The following USH2A variants were observed in gnomAD, a reference collection of about 807,000 sequenced individuals.
USH2A encodes the protein Usher syndrome 2A (autosomal recessive, mild).
Under a neutral mutation model 538.9 loss-of-function variants are expected in USH2A, and 443 were observed. The observed-to-expected ratio is 0.82, with a 90% CI of 0.76 to 0.89. The LOEUF is 0.89. Ranked by LOEUF, USH2A falls within the 40% of genes least tolerant of loss-of-function variation. USH2A has a pLI of 0.00. For synonymous variants in USH2A, 2,413 were observed against 2,273.5 expected (o/e 1.06, Z -1.75); for missense variants, 6,633 against 6,324.8 (o/e 1.05, Z -1.65).
At chr1:216,399,458 A>G (rs1289939552) in intron 3 of USH2A, among the ~76,000 whole-genome samples, 1 of 152,006 alleles carries the variant, frequency 6.6e-6, no homozygotes, top group Non-Finnish European at 1.5e-5. Context: ...AATACTCTAC[A>G]TCCTTTTTCC....
At chr1:216,153,031 C>A (rs1271531959) in intron 21 of USH2A, among the ~76,000 whole-genome samples, 2 of 152,106 alleles carry the variant, frequency 1.3e-5, no homozygotes, top group African/African-American at 4.8e-5. Flanking sequence ...AGGAGATTGG[C>A]CGCCGGATGC....
intron 11 of USH2A, among the ~76,000 whole-genome samples, chr1:216,265,133 G>T (rs566235208): frequency 6.7e-6 from 1 of 150,222 alleles, no homozygotes; most frequent in South Asian, 2.1e-4. Flanking sequence ...TTAATACCTA[G>T]AATATATAAG....
At chr1:216,331,594 C>G (rs989525320) in intron 4 of USH2A, among the ~76,000 whole-genome samples, 2 of 152,142 alleles carry the variant, frequency 1.3e-5, no homozygotes, top group African/African-American at 4.8e-5. Context: ...TAATTATCTA[C>G]TCAGAAAATT....
chr1:215,876,319 T>C (rs1664774755), intron 43 of USH2A, among the ~76,000 whole-genome samples: 1 of 152,210 alleles, frequency 6.6e-6, no homozygotes, highest in African/African-American at 2.4e-5. Context: ...ATTTACGAGA[T>C]GCCTCTCTCT....
intron 37 of USH2A, among the ~76,000 whole-genome samples, chr1:215,948,931 T>C (rs1198835745): frequency 6.6e-5 from 10 of 152,236 alleles, no homozygotes; most frequent in Admixed American, 5.9e-4. Flanking sequence ...GACACAGAAC[T>C]TGAATTACAG....
intron 11 of USH2A, among the ~76,000 whole-genome samples, chr1:216,280,705 T>TAC (rs1558361072): frequency 6.6e-6 from 1 of 151,620 alleles, no homozygotes; most frequent in African/African-American, 2.4e-5. Flanking sequence ...AAGGAAGAAT[T>TAC]ACAACATTTC....
Position 215,888,800 on chromosome 1 carries a change from C to A in USH2A, c.7849G>T (p.Val2617Leu). ...GCSLSPESQT[V>L]WTLPGAPEGI... ...TCCGGTGCCCCTGGGAGTGTCCATA[C>A]AGTCTGGGACTCTGGTGAAAGGGAA... Residue 2617 changes from valine (V) to leucine (L), a missense_variant, in exon 41 of 72, where the codon GTA (valine) becomes TTA (leucine). Transcript: ENST00000307340. 6.2e-7 allele frequency: 1 copy of A among 1,614,122 alleles called. No individual in the cohort carries two copies. Among genetic ancestry groups the A allele is most frequent in the South Asian group, 1.1e-5 (1 of 91,084 alleles).
At chr1:215,968,292 G>C (rs1667405310) in intron 36 of USH2A, among the ~76,000 whole-genome samples, 1 of 151,960 alleles carries the variant, frequency 6.6e-6, no homozygotes, top group South Asian at 2.1e-4. Flanking sequence ...ATTTGGTTGA[G>C]TAAGAACTGA....
Position 216,135,943 on chromosome 1 carries a change from AG to A in USH2A, c.4628-38731del, listed in dbSNP as rs565720678. Among the ~76,000 whole-genome samples the A allele has an allele frequency of 2.1e-4, 32 of 151,004 alleles. No individual in the cohort carries two copies. In the South Asian group the frequency reaches 6.5e-3, roughly 31 times the overall value. ...GGTTAGCTTTAGTATATTCATTAAA[AG>A]TATATATATATATATGTATGAAGTC... is the stretch of plus-strand genomic sequence containing the variant. On this transcript the variant is annotated intron_variant, in intron 21 of 71. Coordinates refer to ENST00000307340, the MANE Select transcript of USH2A (RefSeq NM_206933.4).
chr1:216,044,443 T>C (rs7553966), intron 32 of USH2A, among the ~76,000 whole-genome samples: 20,242 of 152,154 alleles, frequency 0.13, 1,876 homozygotes, highest in African/African-American at 0.27. Flanking sequence ...CATGGTGTGA[T>C]TTAATTTTTT....
intron 21 of USH2A, among the ~76,000 whole-genome samples, chr1:216,165,501 C>T (rs1034102767): frequency 1.3e-5 from 2 of 152,170 alleles, no homozygotes; most frequent in African/African-American, 4.8e-5. Flanking sequence ...AATGTATTTT[C>T]TTACACATCT....
chr1:216,362,475 A>G (rs2038511450), intron 4 of USH2A, among the ~76,000 whole-genome samples: 1 of 152,158 alleles, frequency 6.6e-6, no homozygotes, highest in East Asian at 1.9e-4. Context: ...GTACTTGGCT[A>G]TATATTTTAA....
At chr1:215,768,049 T>G (rs1661181294) in intron 55 of USH2A, among the ~76,000 whole-genome samples, 1 of 150,770 alleles carries the variant, frequency 6.6e-6, no homozygotes, top group Non-Finnish European at 1.5e-5. Flanking sequence ...GTTCTTTTGG[T>G]GGAATGACTG....
chr1:215,699,823 G>A (rs545141285), intron 61 of USH2A, among the ~76,000 whole-genome samples: 22 of 152,244 alleles, frequency 1.4e-4, no homozygotes, highest in African/African-American at 5.1e-4. Context: ...GATTGCCCTG[G>A]CCAGAAGTTT....
chr1:216,292,317 T>C lies in USH2A; in HGVS notation c.1698A>G (p.Gln566=), dbSNP rs912953848. Residue 566 remains glutamine, a synonymous_variant, in exon 10 of 72, where the codon CAA becomes CAG. Transcript: ENST00000307340. ...YNDKPFRQGD[Q]VYAFNCKPCQ... is the part of the protein sequence containing the mutation. ...AAGGTTTACAATTGAAAGCGTAAAC[T>C]TGATCACCTTGGCGGAAAGGCTTGT... 1.9e-6 allele frequency: 3 copies of C among 1,614,098 alleles called. No homozygotes were observed. Among genetic ancestry groups the C allele is most frequent in the Non-Finnish European group, 2.5e-6 (3 of 1,179,966 alleles).
intron 32 of USH2A, among the ~76,000 whole-genome samples, chr1:216,023,604 T>A (rs973075353): frequency 2.3e-4 from 35 of 151,516 alleles, no homozygotes; most frequent in African/African-American, 8.5e-4. Context: ...TTATAAAAAT[T>A]AGGAAATACT....
intron 27 of USH2A, among the ~76,000 whole-genome samples, chr1:216,074,473 A>G (rs181567483): frequency 1.3e-5 from 2 of 152,286 alleles, no homozygotes; most frequent in African/African-American, 4.8e-5. Context: ...AAATAAGTTA[A>G]TAGTAACAAT....
chr1:215,820,289 T>TCA (rs35119241), intron 47 of USH2A, among the ~76,000 whole-genome samples: 17 of 150,236 alleles, frequency 1.1e-4, no homozygotes, highest in Admixed American at 8.0e-4. Context: ...TCTCATTCCT[T>TCA]CACACACACA....
At position 215,675,583 on chromosome 1, in the gene USH2A, A is replaced by G. The variant is rs531504195; in HGVS notation, c.12328T>C (p.Tyr4110His). The change falls in exon 63 of 72, where the codon TAC becomes CAC. Residue 4110 changes from tyrosine (Y) to histidine (H), a missense_variant. Tyr to His is a moderately conservative substitution (Grantham distance 83). Coordinates refer to ENST00000307340, the MANE Select transcript of USH2A (RefSeq NM_206933.4). ...AGAAACTGACGATTCAAACCAGAGT[A>G]CTCCAGGAACCCGTCACTGAAGATG... is the stretch of plus-strand genomic sequence containing the variant. ...YNIFSDGFLEYSGLNRQFLFR... is the reference protein window; with the variant it reads ...YNIFSDGFLEHSGLNRQFLFR... 8 of 1,614,116 alleles carry G rather than the reference A, an allele frequency of 5.0e-6. No individual in the cohort carries two copies. The South Asian group carries it at 5.5e-5, about 11-fold the overall frequency.
Sources: gnomAD v4.1 joint callset for allele counts (sites outside exome capture counted in the v4.1 genomes callset) on GRCh38, gnomAD v4.1.1 for gene constraint, MANE v1.5 for transcripts, NCBI Gene and HGNC (gene_info 2026-07-23, HGNC 2026-07-21) for gene names.